The following FNDC1 variants were observed in gnomAD, a reference collection of about 807,000 sequenced individuals.
The protein encoded by FNDC1 is fibronectin type III domain containing 1.
FNDC1 carries 96 observed loss-of-function variants against 168.0 expected under a neutral mutation model. The observed-to-expected ratio is 0.57, with a 90% CI of 0.48 to 0.68. The LOEUF (loss-of-function observed/expected upper bound fraction) is 0.68. FNDC1 is among the 30% of genes least tolerant of loss of function. FNDC1 has a pLI of 0.00. For missense variants in FNDC1, 2,587 were observed against 2,482.1 expected, an observed-to-expected ratio of 1.04 and a Z score of -0.90; for synonymous variants, 1,099 against 1,025.9, an observed-to-expected ratio of 1.07 and a Z score of -1.36.
Position 159,256,515 on chromosome 6 carries a change from A to G in FNDC1, c.5066-8A>G, listed in dbSNP as rs1387898950. 2 of 1,607,280 alleles carry G rather than the reference A, an allele frequency of 1.2e-6. No homozygotes were observed. The highest frequency in any genetic ancestry group is 2.2e-5 in the South Asian group (2 of 90,478). The stretch of plus-strand genomic sequence containing the variant: ...TGTCCATTGGGTTTTTCCTGTTTCC[A>G]TTTTCAGGTTACTTGGTTTACAGTG... On this transcript the variant is annotated splice_region_variant and splice_polypyrimidine_tract_variant and intron_variant, in intron 17 of 22. Coordinates refer to ENST00000297267, the MANE Select transcript of FNDC1 (RefSeq NM_032532.3).
chr6:159,231,889 G>A lies in FNDC1; in HGVS notation c.1377G>A (p.Lys459=), dbSNP rs1783089246. The A allele has an allele frequency of 6.9e-6, 11 of 1,594,652 alleles. No individual in the cohort carries two copies. Among genetic ancestry groups the A allele is most frequent in the Non-Finnish European group, 9.4e-6 (11 of 1,174,234 alleles). ...AFIVAMPTTS[K]ADVEQNTEDN... ...CTTTAAAATCTGTTGCAGCCAGTAA[G>A]GCGGATGTTGAGCAGAACACGGAGG... The change falls in exon 11 of 23, where the codon AAG becomes AAA. Residue 459 remains lysine, a synonymous_variant. Transcript: ENST00000297267.
chr6:159,209,941 C>T (rs1782563712), intron 4 of FNDC1, among the ~76,000 whole-genome samples: 1 of 152,200 alleles, frequency 6.6e-6, no homozygotes, highest in Non-Finnish European at 1.5e-5. Context: ...CCTTAGTGTG[C>T]TGGCCACATG....
At chr6:159,243,915 G>A (rs1402925965) in intron 14 of FNDC1, among the ~76,000 whole-genome samples, 1 of 152,116 alleles carries the variant, frequency 6.6e-6, no homozygotes, top group Non-Finnish European at 1.5e-5. Context: ...CTCAGGAAGT[G>A]AACTCATTTG....
chr6:159,207,516 T>G (rs1200495653), intron 4 of FNDC1, among the ~76,000 whole-genome samples: 1 of 152,198 alleles, frequency 6.6e-6, no homozygotes, highest in Non-Finnish European at 1.5e-5. Flanking sequence ...TTTCTCTGGA[T>G]GTCTGTGAGA....
chr6:159,207,730 C>G (rs1782518068), intron 4 of FNDC1, among the ~76,000 whole-genome samples: 1 of 152,136 alleles, frequency 6.6e-6, no homozygotes, highest in Non-Finnish European at 1.5e-5. Context: ...ATTGAAGTAA[C>G]CAATAGACGT....
At chr6:159,235,209 C>T (rs1783220783) in intron 11 of FNDC1, among the ~76,000 whole-genome samples, 1 of 152,172 alleles carries the variant, frequency 6.6e-6, no homozygotes, top group Admixed American at 6.5e-5. Flanking sequence ...GAATTTATGT[C>T]CAGGGCAGGG....
In FNDC1 at chr6:159,200,566, A is replaced by C. The variant is rs773171861; in HGVS notation, c.445A>C (p.Asn149His). Residue 149 changes from asparagine to histidine, a missense_variant, in exon 4 of 23, where the codon AAT (asparagine) becomes CAT (histidine). By Grantham distance (68) the Asn-to-His change is moderately conservative. Coordinates refer to ENST00000297267, the MANE Select transcript of FNDC1 (RefSeq NM_032532.3). ...GFPIKGPGPF[N>H]ETVTEKEVPN... ...TCCCATTAAGGGTCCAGGACCATTT[A>C]ATGAAACCGTCACAGGTACTACTTC... The C allele has an allele frequency of 1.3e-6, 2 of 1,595,882 alleles. No homozygotes were observed. Among genetic ancestry groups the C allele is most frequent in the South Asian group, 2.3e-5 (2 of 87,492 alleles).
At chr6:159,229,641 ATG>A (rs1346750046) in intron 9 of FNDC1, among the ~76,000 whole-genome samples, 172 bp from the exon 10 acceptor site, 5 of 152,176 alleles carry the variant, frequency 3.3e-5, no homozygotes, top group African/African-American at 1.2e-4. Context: ...GCCCGAATGA[ATG>A]TGAGTTCACC....
chr6:159,189,209 G>A (rs888202955), intron 1 of FNDC1, among the ~76,000 whole-genome samples: 7 of 152,136 alleles, frequency 4.6e-5, no homozygotes, highest in Non-Finnish European at 7.3e-5. Context: ...CTGGCCTTTG[G>A]GATGCCTAGA....
chr6:159,250,112 C>A (rs1038060701), intron 16 of FNDC1, among the ~76,000 whole-genome samples: 1 of 152,168 alleles, frequency 6.6e-6, no homozygotes, highest in Non-Finnish European at 1.5e-5. Flanking sequence ...ATTAGCTGTT[C>A]CACAGAACTC....
Position 159,169,760 on chromosome 6 carries a change from C to A in FNDC1, c.109+55C>A. 1 of 695,108 alleles carries A rather than the reference C, an allele frequency of 1.4e-6. No homozygotes were observed. Among genetic ancestry groups the A allele is most frequent in the Non-Finnish European group, 1.9e-6 (1 of 526,648 alleles). 43.1% of individuals were successfully genotyped at this position (695,108 alleles called of 1,614,324 possible). ...CCTCAGCTCCCCGCGCACCCTCCTG[C>A]GCTCGGGCCCCGTCGTCCCGCTCAG... On this transcript the variant is annotated intron_variant, in intron 1 of 22. Transcript: ENST00000297267. The surrounding 1 kb of genome is among the most constrained non-coding windows in gnomAD (Gnocchi z 6.8).
At chr6:159,225,473 G>A (rs887391252) in intron 7 of FNDC1, 62 bp from the exon 8 acceptor site, 37 of 1,321,218 alleles carry the variant, frequency 2.8e-5, no homozygotes, top group Non-Finnish European at 3.8e-5. Flanking sequence ...GAAAAACAGC[G>A]AGGCATCTAG....
intron 14 of FNDC1, among the ~76,000 whole-genome samples, chr6:159,245,216 T>G (rs2115007626): frequency 6.6e-6 from 1 of 152,288 alleles, no homozygotes; most frequent in South Asian, 2.1e-4. Flanking sequence ...TCATGGGGAT[T>G]ATAATTTAAG....
At chr6:159,228,624 T>A (rs1783008077) in intron 9 of FNDC1, among the ~76,000 whole-genome samples, 1 of 152,196 alleles carries the variant, frequency 6.6e-6, no homozygotes, top group Non-Finnish European at 1.5e-5. Flanking sequence ...CTGATAATTC[T>A]TGAATTTTCT....
At chr6:159,189,657 G>A (rs554178536) in intron 1 of FNDC1, among the ~76,000 whole-genome samples, 7 of 152,200 alleles carry the variant, frequency 4.6e-5, no homozygotes, top group South Asian at 2.1e-4. Flanking sequence ...CCTCCTGGGC[G>A]TTGGAAAGAC....
intron 4 of FNDC1, among the ~76,000 whole-genome samples, chr6:159,204,895 G>T (rs972907962): frequency 1.3e-5 from 2 of 152,170 alleles, no homozygotes; most frequent in African/African-American, 4.8e-5. Context: ...CCTGGCCTGG[G>T]TTCCTTTCAC....
At chr6:159,216,038 G>A (rs1484527151) in intron 5 of FNDC1, among the ~76,000 whole-genome samples, 2 of 151,824 alleles carry the variant, frequency 1.3e-5, no homozygotes, top group African/African-American at 2.4e-5. Context: ...CTTGGCCCAC[G>A]GCAACCTCCG....
intron 1 of FNDC1, among the ~76,000 whole-genome samples, chr6:159,178,439 C>A (rs753603103): frequency 6.6e-6 from 1 of 152,172 alleles, no homozygotes; most frequent in African/African-American, 2.4e-5. Flanking sequence ...CATGTACCCT[C>A]CACCTAGTTT....
Position 159,210,732 on chromosome 6 carries a change from C to T in FNDC1, c.461-4213C>T, listed in dbSNP as rs972527481. ...CAACTTTGGAGATGTCAGGCAGCAC[C>T]GGGCCTGGGCATGAGCTGGGGTCAG... On this transcript the variant is annotated intron_variant, in intron 4 of 22. Coordinates refer to ENST00000297267, the MANE Select transcript of FNDC1 (RefSeq NM_032532.3). Among the ~76,000 whole-genome samples, 4 of 152,106 alleles carry T rather than the reference C, an allele frequency of 2.6e-5. No individual in the cohort carries two copies. In the East Asian group the frequency reaches 5.8e-4, roughly 22 times the overall value.
Sources: allele counts gnomAD v4.1 joint callset (sites outside exome capture counted in the v4.1 genomes callset), GRCh38; gene constraint gnomAD v4.1.1; non-coding constraint Gnocchi (gnomAD v3.1); transcripts MANE v1.5; gene names NCBI Gene and HGNC (gene_info 2026-07-23, HGNC 2026-07-21).